TCAF1: variants seen among roughly 807,000 people sequenced by gnomAD.
TCAF1 encodes the protein TRPM8 channel associated factor 1.
In TCAF1, 4 loss-of-function variants were observed where a neutral mutation model predicts 27.3. That is an observed-to-expected ratio of 0.15 (90% CI 0.07 to 0.34). The LOEUF (loss-of-function observed/expected upper bound fraction) is 0.34. Among genes scored for constraint, TCAF1 ranks in the 10% least tolerant of loss-of-function variants. The pLI, the probability that TCAF1 is intolerant of heterozygous loss-of-function variation, is 1.00. For synonymous variants in TCAF1, 105 were observed against 167.1 expected, an observed-to-expected ratio of 0.63 and a Z score of 2.87; for missense variants, 257 against 425.8, an observed-to-expected ratio of 0.60 and a Z score of 3.49.
At chr7:143,878,374 T>C (rs186398471) in intron 1 of TCAF1, among the ~76,000 whole-genome samples, 11 of 152,314 alleles carry the variant, frequency 7.2e-5, no homozygotes, top group African/African-American at 2.6e-4. Context: ...CTAACACTAA[T>C]GCTAATTACT....
At position 143,879,573 on chromosome 7, in the gene TCAF1, G is replaced by A. The variant is rs533114030; in HGVS notation, c.-14-2951C>T. On this transcript the variant is annotated intron_variant, in intron 1 of 8. Transcript: ENST00000479870. Reference sequence around the variant, plus strand: ...CCCAACAACCTTTCTTCTAATAACCGTTCTTACAGAACTAAGAAGGGCAGT... The same window carrying A: ...CCCAACAACCTTTCTTCTAATAACCATTCTTACAGAACTAAGAAGGGCAGT... Among the ~76,000 whole-genome samples the A allele has an allele frequency of 4.6e-5, 7 of 152,216 alleles. No individual in the cohort carries two copies. In the East Asian group the frequency reaches 9.7e-4, roughly 21 times the overall value.
At chr7:143,897,171 T>TATATATATATAC (rs1813919012) in intron 1 of TCAF1, among the ~76,000 whole-genome samples, 1 of 126,738 alleles carries the variant, frequency 7.9e-6, no homozygotes, top group Non-Finnish European at 1.7e-5. Context: ...TATATATATA[T>TATATATATATAC]ATATATTCAT....
At chr7:143,901,537 C>T (rs1476396613) in intron 1 of TCAF1, among the ~76,000 whole-genome samples, 1 of 152,146 alleles carries the variant, frequency 6.6e-6, no homozygotes, top group Admixed American at 6.5e-5. Context: ...TCCCTTCCCC[C>T]ACCACAAACC....
chr7:143,898,689 T>C (rs1813993960), intron 1 of TCAF1, among the ~76,000 whole-genome samples: 1 of 152,142 alleles, frequency 6.6e-6, no homozygotes, highest in African/African-American at 2.4e-5. Context: ...TTAAATAGTG[T>C]CATATACCAT....
chr7:143,900,990 A>G (rs763263674), intron 1 of TCAF1, among the ~76,000 whole-genome samples: 4 of 152,212 alleles, frequency 2.6e-5, no homozygotes, highest in African/African-American at 4.8e-5. Context: ...GGGATTCATT[A>G]AATTAAGACA....
At chr7:143,859,930 T>TAATATATATTATGG (rs1188043143) in intron 6 of TCAF1, among the ~76,000 whole-genome samples, 5,754 of 57,418 alleles carry the variant, frequency 0.1, 959 homozygotes, top group Non-Finnish European at 0.12. Flanking sequence ...ATATATTATA[T>TAATATATATTATGG]AATATATATT....
rs1811322494 is a variant in TCAF1, at chr7:143,852,007, AT to A, written c.*2125del. ...AAATGATATCCACATTATTTTGGCT[AT>A]TTAAATACTTCTTACTGGGAGCCTA... On this transcript the variant is annotated 3_prime_UTR_variant, in exon 9 of 9. Coordinates refer to ENST00000479870, the MANE Select transcript of TCAF1 (RefSeq NM_014719.3). 1 of 152,214 alleles carries A rather than the reference AT, an allele frequency of 6.6e-6. No individual in the cohort carries two copies. The highest frequency in any genetic ancestry group is 1.5e-5 in the Non-Finnish European group (1 of 68,060). 9.4% of individuals were successfully genotyped at this position (152,214 alleles called of 1,614,324 possible).
At chr7:143,884,974 CT>C in intron 1 of TCAF1, 2 of 985,182 alleles carry the variant, frequency 2.0e-6, no homozygotes, top group Non-Finnish European at 1.2e-6. Flanking sequence ...GCAGGCAACC[CT>C]TTTTGAAAGA....
chr7:143,886,660 T>A, intron 1 of TCAF1: 1 of 229,100 alleles, frequency 4.4e-6, no homozygotes, highest in Non-Finnish European at 7.1e-6. Context: ...GTAAGTTTTC[T>A]CCTTCCTTCA....
Position 143,876,314 on chromosome 7 carries a change from C to T in TCAF1, c.295G>A (p.Ala99Thr). 6.2e-7 allele frequency: 1 copy of T among 1,614,174 alleles called. No homozygotes were observed. Among genetic ancestry groups the T allele is most frequent in the Non-Finnish European group, 8.5e-7 (1 of 1,180,034 alleles). ...GAPIGVHPSL[A>T]PLAKILEGSG... ...CCCTCGAGGATTTTGGCCAAAGGTG[C>T]CAGGGATGGGTGTACACCAATGGGA... is the stretch of plus-strand genomic sequence containing the variant. The change falls in exon 2 of 9, where the codon GCA (alanine) becomes ACA (threonine). Residue 99 changes from alanine (A) to threonine (T), a missense_variant. Physicochemically the swap from Ala to Thr is moderately conservative, Grantham distance 58. This residue lies in a region of TCAF1 where 255 missense variants were observed against 260.1 expected (regional missense o/e 0.98). Coordinates refer to ENST00000479870, the MANE Select transcript of TCAF1 (RefSeq NM_014719.3).
intron 1 of TCAF1, among the ~76,000 whole-genome samples, chr7:143,880,178 G>T (rs1367696698): frequency 6.6e-6 from 1 of 152,168 alleles, no homozygotes; most frequent in African/African-American, 2.4e-5. Context: ...ATTACTACAC[G>T]TGATTTCTGT....
chr7:143,892,528 ATTTTT>A (rs556518073), intron 1 of TCAF1, among the ~76,000 whole-genome samples: 1 of 137,872 alleles, frequency 7.3e-6, no homozygotes. Flanking sequence ...CTTTAACCCA[ATTTTT>A]TTTTTTTTTT....
At chr7:143,882,429 A>C in intron 1 of TCAF1, 1 of 985,410 alleles carries the variant, frequency 1.0e-6, no homozygotes, top group Non-Finnish European at 1.2e-6. Flanking sequence ...GCCCTCAGGT[A>C]ACTCAACCAC....
At chr7:143,895,753 AC>A (rs1163578797) in intron 1 of TCAF1, among the ~76,000 whole-genome samples, 2 of 151,738 alleles carry the variant, frequency 1.3e-5, no homozygotes, top group African/African-American at 4.8e-5. Flanking sequence ...GAGACAAGGT[AC>A]TAAGGATCAA....
At chr7:143,882,854 G>T in intron 1 of TCAF1, 1 of 985,694 alleles carries the variant, frequency 1.0e-6, no homozygotes, top group Non-Finnish European at 1.2e-6. Context: ...CCGGGATTTG[G>T]GAGCGGGGAG....
At chr7:143,897,903 TACAGA>T (rs1205990803) in intron 1 of TCAF1, among the ~76,000 whole-genome samples, 2 of 152,112 alleles carry the variant, frequency 1.3e-5, no homozygotes, top group African/African-American at 4.8e-5. Context: ...AAAAGGATAG[TACAGA>T]AAAGTATAAT....
intron 1 of TCAF1, among the ~76,000 whole-genome samples, chr7:143,881,727 A>T (rs1813036431): frequency 6.6e-6 from 1 of 152,184 alleles, no homozygotes; most frequent in South Asian, 2.1e-4. Flanking sequence ...TCCCCATAGG[A>T]GTAAGCAGGG....
intron 1 of TCAF1, among the ~76,000 whole-genome samples, chr7:143,883,504 T>C (rs370342655): frequency 1.3e-4 from 15 of 117,318 alleles, no homozygotes; most frequent in Admixed American, 3.2e-4. Context: ...CTTTTTCTTT[T>C]TTTTTTTTTT....
In TCAF1 at chr7:143,876,490, A is replaced by T; in HGVS notation, c.119T>A (p.Met40Lys). ...GAGGACCTGGCCCATGTCATTCACC[A>T]TCACAGGAAATGAAGCCTCTCCAAT... The part of the protein sequence containing the change: ...LLIGEASFPV[M>K]VNDMGQVLIA... The change falls in exon 2 of 9, where the codon ATG becomes AAG. Residue 40 changes from methionine (M) to lysine (K), a missense_variant. Physicochemically the swap from Met to Lys is moderately conservative, Grantham distance 95. This residue lies in a region of TCAF1 where 255 missense variants were observed against 260.1 expected (regional missense o/e 0.98). Coordinates refer to ENST00000479870, the MANE Select transcript of TCAF1 (RefSeq NM_014719.3). 1 of 1,591,044 alleles carries T rather than the reference A, an allele frequency of 6.3e-7. No individual in the cohort carries two copies. The highest frequency in any genetic ancestry group is 8.5e-7 in the Non-Finnish European group (1 of 1,171,110).
Sources: allele counts gnomAD v4.1 joint callset (sites outside exome capture counted in the v4.1 genomes callset), GRCh38; gene constraint gnomAD v4.1.1; regional missense constraint gnomAD v4.1.1; transcripts MANE v1.5; gene names NCBI Gene and HGNC (gene_info 2026-07-23, HGNC 2026-07-21).